FSHR: variants seen among roughly 807,000 people sequenced by gnomAD.
The protein encoded by FSHR is follicle-stimulating hormone receptor.
Under a neutral mutation model 52.1 loss-of-function variants are expected in FSHR, and 46 were observed. That is an observed-to-expected ratio of 0.88 (90% CI 0.70 to 1.13). The LOEUF is 1.13. Among genes scored for constraint, FSHR ranks in the 50% most tolerant of loss-of-function variants. FSHR has a pLI of 0.00. For synonymous variants in FSHR, 399 were observed against 309.6 expected (o/e 1.29, Z -3.03); for missense variants, 964 against 834.6 (o/e 1.16, Z -1.91).
intron 1 of FSHR, among the ~76,000 whole-genome samples, chr2:49,125,251 A>T (rs932776038): frequency 6.6e-6 from 1 of 152,138 alleles, no homozygotes; most frequent in Non-Finnish European, 1.5e-5. Flanking sequence ...CTTGGATTGC[A>T]TTGGAACAAG....
chr2:49,140,904 A>G (rs1672661644), intron 1 of FSHR, among the ~76,000 whole-genome samples: 2 of 152,034 alleles, frequency 1.3e-5, no homozygotes, highest in African/African-American at 4.8e-5. Flanking sequence ...TCCATTAAGT[A>G]CTCCATTTTC....
intron 2 of FSHR, among the ~76,000 whole-genome samples, chr2:49,042,593 A>G (rs1668514916): frequency 4.0e-3 from 1 of 252 alleles, no homozygotes. Context: ...ATATATTACT[A>G]AATCTTTTTG....
chr2:48,967,788 G>T (rs967554852), intron 9 of FSHR, among the ~76,000 whole-genome samples: 1 of 152,206 alleles, frequency 6.6e-6, no homozygotes, highest in African/African-American at 2.4e-5. Context: ...GTCAATGTAT[G>T]TTAAAGGTTG....
intron 1 of FSHR, among the ~76,000 whole-genome samples, chr2:49,132,254 C>T (rs879747337): frequency 3.3e-5 from 5 of 152,078 alleles, no homozygotes; most frequent in Non-Finnish European, 7.4e-5. Flanking sequence ...GCTTGTTTTC[C>T]GTTTGGCACA....
chr2:48,990,543 A>G, intron 5 of FSHR, 23 bp downstream of exon 5: 1 of 1,484,662 alleles, frequency 6.7e-7, no homozygotes, highest in Non-Finnish European at 9.4e-7. Flanking sequence ...AAGAGTTGGT[A>G]GTCACTCAAG....
intron 1 of FSHR, among the ~76,000 whole-genome samples, chr2:49,123,146 A>G (rs1043614798): frequency 6.6e-6 from 1 of 152,202 alleles, no homozygotes; most frequent in Admixed American, 6.5e-5. Flanking sequence ...TATCAGGTCT[A>G]TAAACTCTGT....
chr2:49,124,488 A>G (rs917413723), intron 1 of FSHR, among the ~76,000 whole-genome samples: 4 of 152,006 alleles, frequency 2.6e-5, no homozygotes, highest in Non-Finnish European at 5.9e-5. Context: ...CTATCTCATG[A>G]TCTTCATCCT....
At chr2:48,995,728 C>G (rs371099574) in intron 4 of FSHR, among the ~76,000 whole-genome samples, 1 of 152,070 alleles carries the variant, frequency 6.6e-6, no homozygotes, top group East Asian at 1.9e-4. Flanking sequence ...AGTAATCAGA[C>G]CAAAGTGATG....
intron 1 of FSHR, among the ~76,000 whole-genome samples, chr2:49,107,276 T>G (rs571213022): frequency 6.6e-6 from 1 of 152,214 alleles, no homozygotes; most frequent in Admixed American, 6.5e-5. Flanking sequence ...CTAGTTCTCA[T>G]GGGGATTTCC....
At chr2:48,998,448 G>A (rs543131250) in intron 4 of FSHR, among the ~76,000 whole-genome samples, 14 of 152,014 alleles carry the variant, frequency 9.2e-5, no homozygotes, top group East Asian at 3.9e-4. Flanking sequence ...TTTGTTTCTC[G>A]TGGAGTTTTG....
chr2:48,973,952 T>A (rs536093487), intron 8 of FSHR, among the ~76,000 whole-genome samples: 12 of 136,780 alleles, frequency 8.8e-5, no homozygotes, highest in Middle Eastern at 3.7e-3. Context: ...TTTTGTGTTC[T>A]GTATCATTTC....
At chr2:49,113,761 A>G (rs1025464385) in intron 1 of FSHR, among the ~76,000 whole-genome samples, 4 of 152,126 alleles carry the variant, frequency 2.6e-5, no homozygotes, top group Admixed American at 6.5e-5. Context: ...AACTGTGCCA[A>G]AAAGGACACT....
chr2:49,024,277 T>TAA (rs953411656), intron 2 of FSHR, among the ~76,000 whole-genome samples: 2 of 146,562 alleles, frequency 1.4e-5, no homozygotes, highest in African/African-American at 5.0e-5. Context: ...AAAGTAAAAT[T>TAA]AAAAAAAAAA....
At chr2:49,017,631 T>C (rs1038755345) in intron 3 of FSHR, 68 bp from the exon 4 acceptor site, 2 of 1,127,548 alleles carry the variant, frequency 1.8e-6, no homozygotes, top group African/African-American at 1.5e-5. Context: ...TTTCACATTT[T>C]ACAGAGTACA....
intron 4 of FSHR, among the ~76,000 whole-genome samples, chr2:49,008,426 T>G (rs1375730241): frequency 6.6e-6 from 1 of 151,274 alleles, no homozygotes; most frequent in Non-Finnish European, 1.5e-5. Context: ...CAGTCTATCA[T>G]TGTTGGACAT....
At chr2:49,061,762 A>G (rs905640908) in intron 2 of FSHR, among the ~76,000 whole-genome samples, 4 of 136,966 alleles carry the variant, frequency 2.9e-5, no homozygotes, top group Admixed American at 7.8e-5. Flanking sequence ...ATTTATATAT[A>G]ACTATATATA....
intron 2 of FSHR, among the ~76,000 whole-genome samples, chr2:49,041,903 T>A (rs867427212): frequency 2.3e-4 from 35 of 152,140 alleles, no homozygotes; most frequent in African/African-American, 7.7e-4. Flanking sequence ...TCTTAGCATG[T>A]TGGGAGGCCA....
chr2:49,037,960 A>G (rs1383703759), intron 2 of FSHR, among the ~76,000 whole-genome samples: 2 of 152,208 alleles, frequency 1.3e-5, no homozygotes, highest in Non-Finnish European at 2.9e-5. Flanking sequence ...CACACTCAAT[A>G]GTGAAACTAC....
intron 1 of FSHR, among the ~76,000 whole-genome samples, chr2:49,106,353 AAAAG>A (rs1383557019): frequency 2.6e-5 from 4 of 151,874 alleles, no homozygotes. Context: ...GAAAGAAAGA[AAAAG>A]AGAGAGAGAG....
Sources: allele counts gnomAD v4.1 joint callset (sites outside exome capture counted in the v4.1 genomes callset), GRCh38; gene constraint gnomAD v4.1.1; transcripts MANE v1.5; gene names NCBI Gene and HGNC (gene_info 2026-07-23, HGNC 2026-07-21).